Variants in GPC5 observed in about 807,000 individuals in gnomAD.
The protein encoded by GPC5 is glypican-5.
Under a neutral mutation model 53.9 loss-of-function variants are expected in GPC5, and 47 were observed. The ratio of observed to expected loss-of-function variants is 0.87; its 90% CI spans 0.69 to 1.11. GPC5 has a LOEUF of 1.11. Ranked by LOEUF, GPC5 falls within the 50% of genes most tolerant of loss-of-function variation. The pLI is 0.00. For missense variants in GPC5, 748 were observed against 713.1 expected, an observed-to-expected ratio of 1.05 and a Z score of -0.56; for synonymous variants, 286 against 263.3, an observed-to-expected ratio of 1.09 and a Z score of -0.84.
intron 7 of GPC5, among the ~76,000 whole-genome samples, chr13:92,726,401 T>C (rs1342914675): frequency 6.6e-6 from 1 of 151,592 alleles, no homozygotes; most frequent in East Asian, 1.9e-4. Flanking sequence ...ATTGTTTGTT[T>C]GTTTGTCTTG....
chr13:92,335,610 C>G (rs2043316754), intron 7 of GPC5, among the ~76,000 whole-genome samples: 1 of 152,080 alleles, frequency 6.6e-6, no homozygotes, highest in South Asian at 2.1e-4. Context: ...ATTTTTTAAA[C>G]TTTTATGCTC....
intron 7 of GPC5, among the ~76,000 whole-genome samples, chr13:92,284,723 G>A (rs1447352494): frequency 6.6e-6 from 1 of 152,120 alleles, no homozygotes; most frequent in Non-Finnish European, 1.5e-5. Context: ...AACAAATTAG[G>A]TGTTGATGAG....
chr13:91,903,620 T>C (rs2039521669), intron 5 of GPC5, among the ~76,000 whole-genome samples: 1 of 152,190 alleles, frequency 6.6e-6, no homozygotes, highest in Admixed American at 6.6e-5. Flanking sequence ...TAACTGATTT[T>C]ATTAAATCAC....
chr13:91,879,185 C>T (rs1035381949), intron 5 of GPC5, among the ~76,000 whole-genome samples: 8 of 152,018 alleles, frequency 5.3e-5, no homozygotes, highest in East Asian at 3.9e-4. Context: ...CATGTGCGGA[C>T]GTGCAGGTTT....
At chr13:91,460,374 T>C (rs771946143) in intron 2 of GPC5, among the ~76,000 whole-genome samples, 3 of 151,990 alleles carry the variant, frequency 2.0e-5, no homozygotes, top group Non-Finnish European at 4.4e-5. Context: ...CTTAGCTCAC[T>C]GCAACCTCCA....
At position 92,422,743 on chromosome 13, in the gene GPC5, A is replaced by G. The variant is rs192257601; in HGVS notation, c.1561+277754A>G. Among the ~76,000 whole-genome samples, 24 of 151,794 alleles carry G rather than the reference A, an allele frequency of 1.6e-4. No individual in the cohort carries two copies. In the East Asian group the frequency reaches 4.5e-3, roughly 28 times the overall value. On this transcript the variant is annotated intron_variant, in intron 7 of 7. Coordinates refer to ENST00000377067, the MANE Select transcript of GPC5 (RefSeq NM_004466.6). ...TGGCTGGAGGCACTAATTCTAGAGG[A>G]AAAAAAAAGTTGCCATTTTTCTTTA...
chr13:92,344,958 A>G (rs1206829616), intron 7 of GPC5, among the ~76,000 whole-genome samples: 2 of 152,204 alleles, frequency 1.3e-5, no homozygotes, highest in Admixed American at 1.3e-4. Flanking sequence ...AGAGAATATC[A>G]TTGATTTCAA....
chr13:92,825,642 T>A (rs1413665519), intron 7 of GPC5, among the ~76,000 whole-genome samples: 1 of 152,110 alleles, frequency 6.6e-6, no homozygotes, highest in African/African-American at 2.4e-5. Context: ...AGTACAAAAG[T>A]GCTGTCTACT....
chr13:91,881,060 G>A (rs1277753162), intron 5 of GPC5, among the ~76,000 whole-genome samples: 7 of 152,020 alleles, frequency 4.6e-5, no homozygotes, highest in African/African-American at 4.8e-5. Flanking sequence ...CAAAATGCGG[G>A]GATTACAGGG....
chr13:92,661,697 T>C (rs1273893726), intron 7 of GPC5, among the ~76,000 whole-genome samples: 2 of 152,218 alleles, frequency 1.3e-5, no homozygotes, highest in Non-Finnish European at 2.9e-5. Flanking sequence ...TTCTTAGGAT[T>C]GTTGAGATTA....
At chr13:92,565,238 A>G (rs1344083437) in intron 7 of GPC5, among the ~76,000 whole-genome samples, 1 of 152,264 alleles carries the variant, frequency 6.6e-6, no homozygotes, top group Middle Eastern at 3.4e-3. Context: ...AGTTTTCCAA[A>G]ATGGGTTATA....
At chr13:91,475,017 T>C (rs1194944309) in intron 2 of GPC5, among the ~76,000 whole-genome samples, 3 of 152,036 alleles carry the variant, frequency 2.0e-5, no homozygotes, top group Non-Finnish European at 4.4e-5. Context: ...AATAAAAGGG[T>C]TGTAATATAA....
chr13:92,511,156 T>A (rs533945145), intron 7 of GPC5, among the ~76,000 whole-genome samples: 1 of 152,222 alleles, frequency 6.6e-6, no homozygotes, highest in Non-Finnish European at 1.5e-5. Flanking sequence ...GAACAGACTT[T>A]ATTTCTGTTC....
intron 5 of GPC5, among the ~76,000 whole-genome samples, chr13:91,819,877 C>G (rs2038463473): frequency 6.6e-6 from 1 of 152,140 alleles, no homozygotes; most frequent in Non-Finnish European, 1.5e-5. Context: ...GAGATGACAT[C>G]TCCACATCCT....
intron 1 of GPC5, among the ~76,000 whole-genome samples, chr13:91,423,526 T>C (rs1467588927): frequency 7.9e-5 from 12 of 151,906 alleles, no homozygotes; most frequent in Non-Finnish European, 1.8e-4. Flanking sequence ...TACATAGGCT[T>C]AAGAAGCCTA....
chr13:91,549,279 G>A (rs1336611064), intron 2 of GPC5, among the ~76,000 whole-genome samples: 131 of 107,324 alleles, frequency 1.2e-3, no homozygotes, highest in African/African-American at 3.8e-3. Flanking sequence ...AAAAAAAAAA[G>A]GCAAAAACTA....
At position 91,899,712 on chromosome 13, in the gene GPC5, A is replaced by G. The variant is rs78600224; in HGVS notation, c.1281-8225A>G. ...TAAATGTCCTTATAAGACACAGGAA[A>G]AGACACACACGGAGAAGGTCATGTG... On this transcript the variant is annotated intron_variant, in intron 5 of 7. Transcript: ENST00000377067. Among the ~76,000 whole-genome samples, 813 of 152,252 alleles carry G rather than the reference A, an allele frequency of 5.3e-3. 8 individuals are homozygous for G. Among genetic ancestry groups the G allele is most frequent in the East Asian group, 0.026 (132 of 5,172 alleles).
At chr13:92,437,039 T>A (rs1019399877) in intron 7 of GPC5, among the ~76,000 whole-genome samples, 1 of 152,150 alleles carries the variant, frequency 6.6e-6, no homozygotes, top group Non-Finnish European at 1.5e-5. Context: ...GAAACAGAAA[T>A]AAATGCCAGC....
intron 5 of GPC5, among the ~76,000 whole-genome samples, chr13:91,782,760 A>G (rs1238343790): frequency 6.6e-6 from 1 of 152,158 alleles, no homozygotes; most frequent in Non-Finnish European, 1.5e-5. Context: ...CTCATTTTAT[A>G]TGTGAGAAAA....
Sources: gnomAD v4.1 joint callset for allele counts (sites outside exome capture counted in the v4.1 genomes callset) on GRCh38, gnomAD v4.1.1 for gene constraint, MANE v1.5 for transcripts, NCBI Gene and HGNC (gene_info 2026-07-23, HGNC 2026-07-21) for gene names.